The following PRDM15 variants were observed in gnomAD, a reference collection of about 807,000 sequenced individuals.
PRDM15 encodes the protein PR/SET domain 15.
Under a neutral mutation model 128.6 loss-of-function variants are expected in PRDM15, and 64 were observed. The observed-to-expected ratio is 0.50, with a 90% CI of 0.41 to 0.61. The LOEUF (loss-of-function observed/expected upper bound fraction) is 0.61. Ranked by LOEUF, PRDM15 falls within the 20% of genes least tolerant of loss-of-function variation. The pLI is 0.00. For missense variants in PRDM15, 1,242 were observed against 1,569.1 expected (o/e 0.79, Z 3.52); for synonymous variants, 615 against 621.8 (o/e 0.99, Z 0.16).
intron 5 of PRDM15, among the ~76,000 whole-genome samples, chr21:41,853,654 C>G (rs1325499024): frequency 2.6e-5 from 4 of 152,186 alleles, no homozygotes; most frequent in African/African-American, 9.7e-5. Context: ...AAAGTGATGC[C>G]CTGACCCCGG....
At chr21:41,869,676 G>T (rs1208687756) in intron 1 of PRDM15, among the ~76,000 whole-genome samples, 1 of 152,086 alleles carries the variant, frequency 6.6e-6, no homozygotes, top group Non-Finnish European at 1.5e-5. Flanking sequence ...GAACTCCTAG[G>T]CTCAAGCCAT....
rs2064555338 is a variant in PRDM15 at position 41,879,244 on chromosome 21, G to A, written c.-10+26C>T. The A allele has an allele frequency of 1.1e-6, 1 of 905,530 alleles. No homozygotes were observed. The highest frequency in any genetic ancestry group is 5.3e-4 in the Middle Eastern group (1 of 1,894). The allele number at this position is 905,530 out of a possible 1,614,324, so 56.1% of individuals were successfully genotyped here. Reference sequence around the variant, plus strand: ...CGGCGGGGCGCACGCCGGGGCGGGCGGCGGGCGCAGGGCCCGGAGCTTTAC... The same window carrying A: ...CGGCGGGGCGCACGCCGGGGCGGGCAGCGGGCGCAGGGCCCGGAGCTTTAC... On this transcript the variant is annotated intron_variant, in intron 1 of 23. Transcript: ENST00000398548. The surrounding 1 kb of genome is among the most constrained non-coding windows in gnomAD (Gnocchi z 5.1).
intron 1 of PRDM15, among the ~76,000 whole-genome samples, chr21:41,866,417 C>T (rs8129811): frequency 2.0e-5 from 3 of 151,918 alleles, no homozygotes; most frequent in African/African-American, 7.3e-5. Context: ...TGCCATCCCC[C>T]GTCCATGACA....
At chr21:41,853,026 G>A (rs1220674934) in intron 5 of PRDM15, among the ~76,000 whole-genome samples, 1 of 152,250 alleles carries the variant, frequency 6.6e-6, no homozygotes, top group Non-Finnish European at 1.5e-5. Context: ...ACCACCAGAG[G>A]TTGGGGAGAG....
At chr21:41,806,049 C>T (rs1213975106) in intron 21 of PRDM15, among the ~76,000 whole-genome samples, 35 of 123,196 alleles carry the variant, frequency 2.8e-4, no homozygotes, top group South Asian at 5.2e-4. Context: ...CCACCATCAC[C>T]ACCACCACCA....
chr21:41,836,644 G>A lies in PRDM15; in HGVS notation c.1007C>T (p.Thr336Ile). The A allele has an allele frequency of 1.3e-6, 2 of 1,597,966 alleles. No individual in the cohort carries two copies. The highest frequency in any genetic ancestry group is 1.7e-6 in the Non-Finnish European group (2 of 1,166,866). The change falls in exon 9 of 24, where the codon ACC becomes ATC. Residue 336 changes from threonine to isoleucine, a missense_variant. This residue lies in a region of PRDM15 where 612 missense variants were observed against 717.0 expected (regional missense o/e 0.85). Transcript: ENST00000398548. ...CGTGATGGTGTTATTCTGATGATGGGTGAACCTGCCCAGGGACGTCAATAA... is the reference window on the plus strand; with the variant it reads ...CGTGATGGTGTTATTCTGATGATGGATGAACCTGCCCAGGGACGTCAATAA... ...TTDTSSVPKF[T>I]HHQNNTITLK...
chr21:41,824,097 G>A (rs912157254), intron 13 of PRDM15, among the ~76,000 whole-genome samples: 4 of 152,202 alleles, frequency 2.6e-5, no homozygotes, highest in South Asian at 2.1e-4. Flanking sequence ...AGAACTCTGC[G>A]GGTCTCTATC....
At chr21:41,851,739 G>A (rs1011661057) in intron 5 of PRDM15, among the ~76,000 whole-genome samples, 6 of 152,126 alleles carry the variant, frequency 3.9e-5, no homozygotes, top group South Asian at 2.1e-4. Context: ...GGGCTCTCTC[G>A]GGAAGGAAAG....
chr21:41,801,817 G>C (rs542414974), intron 23 of PRDM15, 95 bp from the exon 24 acceptor site: 16 of 1,350,310 alleles, frequency 1.2e-5, no homozygotes, highest in Non-Finnish European at 1.3e-5. Flanking sequence ...CCACACCAAA[G>C]AAGCACGACA....
In PRDM15 at chr21:41,832,868, A is replaced by G. The variant is rs73219060; in HGVS notation, c.1366+2569T>C. ...ATGGAAAGAGAACCTACTTCAGGCC[A>G]CTCCCCAGCTGTCCCGGACAACTCT... On this transcript the variant is annotated intron_variant, in intron 11 of 23. Coordinates refer to ENST00000398548, the MANE Select transcript of PRDM15 (RefSeq NM_001040424.3). This position sits in a 1 kb window ranked among gnomAD's most constrained non-coding sequence, Gnocchi z 4.2. Among the ~76,000 whole-genome samples, 5,693 of 151,648 alleles carry G rather than the reference A, an allele frequency of 0.038. 268 individuals are homozygous for G. Among genetic ancestry groups the G allele is most frequent in the East Asian group, 0.24 (1,260 of 5,154 alleles).
At chr21:41,808,374 T>C (rs1380485909) in intron 21 of PRDM15, among the ~76,000 whole-genome samples, 1 of 152,186 alleles carries the variant, frequency 6.6e-6, no homozygotes, top group Non-Finnish European at 1.5e-5. Context: ...GCAGCCACGG[T>C]CCCCTGGCTT....
intron 6 of PRDM15, among the ~76,000 whole-genome samples, chr21:41,840,442 CAAA>C (rs35052917): frequency 0.018 from 1,602 of 91,136 alleles, 14 homozygotes; most frequent in South Asian, 0.063. Context: ...AAGACTGTCT[CAAA>C]AAAAAAAAAA....
rs537931251 is a variant in PRDM15 at position 41,856,099 on chromosome 21, C to T, written c.285+1077G>A. The stretch of plus-strand genomic sequence containing the variant: ...CCTTCCTTCCCTCCCTCCCCTCCCT[C>T]CCTTCCTTTCCTTCCTTCCCTCCCT... On this transcript the variant is annotated intron_variant, in intron 4 of 23. Transcript: ENST00000398548. 8.4e-3 allele frequency among the ~76,000 whole-genome samples: 42 copies of T among 5,016 alleles called. 1 individual carries two copies. Among genetic ancestry groups the T allele is most frequent in the African/African-American group, 0.018 (15 of 848 alleles). 3.3% of individuals were successfully genotyped at this position (5,016 alleles called of 152,430 possible). A position where few individuals can be genotyped will look rare whatever the true frequency, so the allele number is the denominator to read the frequency against.
rs375228964 is a variant in PRDM15 at position 41,825,975 on chromosome 21, G to A, written c.1614C>T (p.Cys538=). ...LVRYKKEPSG[C]PVCGKVFSCR... The stretch of plus-strand genomic sequence containing the variant: ...CGAGCATTACCTTGCCACACACCGG[G>A]CACCCGGAAGGCTCCTTCTTGTAAC... The change falls in exon 13 of 24, where the codon TGC becomes TGT. Residue 538 remains cysteine, a synonymous_variant. Coordinates refer to ENST00000398548, the MANE Select transcript of PRDM15 (RefSeq NM_001040424.3). 1 of 1,613,532 alleles carries A rather than the reference G, an allele frequency of 6.2e-7. No homozygotes were observed. Among genetic ancestry groups the A allele is most frequent in the Non-Finnish European group, 8.5e-7 (1 of 1,179,688 alleles).
chr21:41,864,959 C>T (rs879396086), intron 1 of PRDM15, among the ~76,000 whole-genome samples: 6 of 148,454 alleles, frequency 4.0e-5, no homozygotes, highest in East Asian at 2.1e-4. Context: ...TCCACATGCT[C>T]GCCCCCCAAG....
chr21:41,824,396 G>C (rs2062393750), intron 13 of PRDM15, among the ~76,000 whole-genome samples: 1 of 152,186 alleles, frequency 6.6e-6, no homozygotes. Flanking sequence ...GGAAGACTGG[G>C]CTGAAGACAA....
intron 23 of PRDM15, among the ~76,000 whole-genome samples, chr21:41,802,472 T>C (rs1482802550): frequency 1.3e-5 from 2 of 152,234 alleles, no homozygotes; most frequent in African/African-American, 2.4e-5. Flanking sequence ...GATATCTCTC[T>C]TCAACATGCT....
At chr21:41,802,033 C>T (rs1490073037) in intron 23 of PRDM15, among the ~76,000 whole-genome samples, 3 of 152,164 alleles carry the variant, frequency 2.0e-5, no homozygotes, top group African/African-American at 7.2e-5. Flanking sequence ...CTCTGAAGTG[C>T]CCTGCTGTTG....
intron 8 of PRDM15, among the ~76,000 whole-genome samples, chr21:41,837,357 A>G (rs2062928844): frequency 6.6e-6 from 1 of 152,278 alleles, no homozygotes; most frequent in South Asian, 2.1e-4. Context: ...GGGCATATGC[A>G]TGATGGTATA....
Sources: gnomAD v4.1 joint callset for allele counts (sites outside exome capture counted in the v4.1 genomes callset) on GRCh38, gnomAD v4.1.1 for gene constraint, gnomAD v4.1.1 regional missense constraint, Gnocchi (gnomAD v3.1) non-coding constraint, MANE v1.5 for transcripts, NCBI Gene and HGNC (gene_info 2026-07-23, HGNC 2026-07-21) for gene names.